The following PLXNA4 variants were observed in gnomAD, a reference collection of about 807,000 sequenced individuals.
PLXNA4 encodes plexin-A4.
A neutral mutation model predicts 191.8 loss-of-function variants in PLXNA4; 44 were observed. The ratio of observed to expected loss-of-function variants is 0.23; its 90% confidence interval spans 0.18 to 0.29. The LOEUF (loss-of-function observed/expected upper bound fraction) is 0.29. PLXNA4 is among the 10% of genes least tolerant of loss of function. The pLI is 1.00. For missense variants in PLXNA4, 1,800 were observed against 2,488.8 expected, an observed-to-expected ratio of 0.72 and a Z score of 5.89; for synonymous variants, 1,082 against 1,009.5, an observed-to-expected ratio of 1.07 and a Z score of -1.36.
intron 3 of PLXNA4, among the ~76,000 whole-genome samples, chr7:132,475,329 A>G (rs1001694713): frequency 6.6e-5 from 10 of 152,178 alleles, no homozygotes; most frequent in Admixed American, 3.9e-4. Context: ...AGCTCCAAGC[A>G]TCTTAGAGCT....
chr7:132,606,297 G>A (rs1202236472), intron 2 of PLXNA4, among the ~76,000 whole-genome samples: 1 of 152,218 alleles, frequency 6.6e-6, no homozygotes, highest in Non-Finnish European at 1.5e-5. Context: ...CCAGCCTTCA[G>A]AGCTGTGAGA....
At chr7:132,177,458 G>A (rs1270837797) in intron 20 of PLXNA4, among the ~76,000 whole-genome samples, 1 of 152,206 alleles carries the variant, frequency 6.6e-6, no homozygotes, top group Non-Finnish European at 1.5e-5. Flanking sequence ...AAGTGCCTCT[G>A]TGGCTAGTCT....
At chr7:132,604,512 A>G (rs1802886233) in intron 2 of PLXNA4, among the ~76,000 whole-genome samples, 2 of 152,206 alleles carry the variant, frequency 1.3e-5, no homozygotes, top group African/African-American at 4.8e-5. Flanking sequence ...GTTTCGTTAC[A>G]TGAAATAGAA....
At chr7:132,489,706 T>C (rs933969930) in intron 2 of PLXNA4, among the ~76,000 whole-genome samples, 1 of 152,066 alleles carries the variant, frequency 6.6e-6, no homozygotes, top group Non-Finnish European at 1.5e-5. Context: ...AGGTCTCCTT[T>C]CTCCATAATC....
At chr7:132,464,899 G>T (rs1796642189) in intron 3 of PLXNA4, among the ~76,000 whole-genome samples, 1 of 152,230 alleles carries the variant, frequency 6.6e-6, no homozygotes, top group South Asian at 2.1e-4. Flanking sequence ...CTGGCCAGAA[G>T]CCCATTTTCC....
chr7:132,494,914 G>A (rs1479147231), intron 2 of PLXNA4, among the ~76,000 whole-genome samples: 1 of 152,180 alleles, frequency 6.6e-6, no homozygotes, highest in Non-Finnish European at 1.5e-5. Context: ...GAAGTGCCTG[G>A]TAGTCTCTGT....
At chr7:132,512,094 AG>A (rs1226011718) in intron 1 of PLXNA4, among the ~76,000 whole-genome samples, 1 of 152,230 alleles carries the variant, frequency 6.6e-6, no homozygotes, top group Non-Finnish European at 1.5e-5. Context: ...GCCGGCTAAC[AG>A]GGCCCTCAAA....
At chr7:132,405,485 C>G (rs1008460828) in intron 3 of PLXNA4, among the ~76,000 whole-genome samples, 5 of 152,168 alleles carry the variant, frequency 3.3e-5, no homozygotes, top group African/African-American at 9.7e-5. Flanking sequence ...GTCAGAGGAG[C>G]AGGGGCCACA....
In PLXNA4 at chr7:132,164,158, A is replaced by G. The variant is rs1314184431; in HGVS notation, c.4484T>C (p.Ile1495Thr). ...TGGGCTCACCAGGGTTTTGTAGTCA[A>G]TCTGCTGGCGGATGAGCTTGTCCTC... ...LSEDKLIRQQ[I>T]DYKTLVLSCV... Residue 1495 changes from isoleucine to threonine, a missense_variant, in exon 24 of 32, where the codon ATT becomes ACT. Coordinates refer to ENST00000321063, the MANE Select transcript of PLXNA4 (RefSeq NM_020911.2). 6 of 1,613,960 alleles carry G rather than the reference A, an allele frequency of 3.7e-6. No homozygotes were observed. Among genetic ancestry groups the G allele is most frequent in the Non-Finnish European group, 4.2e-6 (5 of 1,180,048 alleles).
intron 4 of PLXNA4, among the ~76,000 whole-genome samples, chr7:132,249,034 C>T (rs1799155775): frequency 1.3e-5 from 2 of 152,334 alleles, no homozygotes; most frequent in South Asian, 2.1e-4. Flanking sequence ...TCCCTACCTG[C>T]CTCTAGGCAG....
Position 132,178,713 on chromosome 7 carries a change from T to TACACACACACACACACACAC in PLXNA4, c.3874+973_3874+974insGTGTGTGTGTGTGTGTGTGT, listed in dbSNP as rs56218462. ...TAAATGAAACACATACACATACACA[T>TACACACACACACACACACAC]ACACACACACACACACACTTGTAAA... is the stretch of plus-strand genomic sequence containing the variant. On this transcript the variant is annotated intron_variant, in intron 20 of 31. Transcript: ENST00000321063. 2.0e-4 allele frequency among the ~76,000 whole-genome samples: 22 copies of TACACACACACACACACACAC among 112,102 alleles called. 3 individuals are homozygous for TACACACACACACACACACAC. The highest frequency in any genetic ancestry group is 9.2e-4 in the South Asian group (3 of 3,258). 73.5% of individuals were successfully genotyped at this position (112,102 alleles called of 152,430 possible).
chr7:132,262,395 A>T (rs1349832371), intron 4 of PLXNA4, among the ~76,000 whole-genome samples: 1 of 152,164 alleles, frequency 6.6e-6, no homozygotes, highest in Non-Finnish European at 1.5e-5. Flanking sequence ...GCTCTGAAAC[A>T]CATTGTGCTG....
intron 2 of PLXNA4, among the ~76,000 whole-genome samples, chr7:132,593,994 A>G (rs947898506): frequency 6.6e-6 from 1 of 152,250 alleles, no homozygotes; most frequent in African/African-American, 2.4e-5. Context: ...ACCCAGACCC[A>G]GGCATGGGGC....
At chr7:132,606,589 A>C (rs1207444073) in intron 2 of PLXNA4, among the ~76,000 whole-genome samples, 1 of 152,244 alleles carries the variant, frequency 6.6e-6, no homozygotes, top group African/African-American at 2.4e-5. Flanking sequence ...GTTATGCTCA[A>C]ATCATTCCCT....
chr7:132,603,625 A>G (rs1234784023), intron 2 of PLXNA4, among the ~76,000 whole-genome samples: 1 of 152,170 alleles, frequency 6.6e-6, no homozygotes, highest in Non-Finnish European at 1.5e-5. Flanking sequence ...CTGAAAGTAC[A>G]GATTCTGCTA....
In PLXNA4 at chr7:132,228,310, A is replaced by T. The variant is rs577547996; in HGVS notation, c.1728+36T>A. 3.1e-6 allele frequency: 5 copies of T among 1,611,534 alleles called. No individual in the cohort carries two copies. The South Asian group carries it at 5.5e-5, about 18-fold the overall frequency. On this transcript the variant is annotated intron_variant, in intron 6 of 31. Coordinates refer to ENST00000321063, the MANE Select transcript of PLXNA4 (RefSeq NM_020911.2). Reference sequence around the variant, plus strand: ...TTAGTGAGGGGAGAGTTTTCCTTGCATCCCTGGACCCCACCCCAACCCCCA... The same window carrying T: ...TTAGTGAGGGGAGAGTTTTCCTTGCTTCCCTGGACCCCACCCCAACCCCCA...
intron 13 of PLXNA4, among the ~76,000 whole-genome samples, chr7:132,196,170 T>C (rs1330676278): frequency 1.3e-5 from 2 of 152,216 alleles, no homozygotes; most frequent in Non-Finnish European, 2.9e-5. Flanking sequence ...ACAAATAAAA[T>C]GTTGAGCAAC....
chr7:132,257,708 G>T (rs906827361), intron 4 of PLXNA4, among the ~76,000 whole-genome samples: 4 of 152,228 alleles, frequency 2.6e-5, no homozygotes, highest in African/African-American at 4.8e-5. Flanking sequence ...CAGGCTGCTA[G>T]AACTGAGTGG....
chr7:132,243,457 C>A (rs761782964), intron 4 of PLXNA4, among the ~76,000 whole-genome samples: 1 of 152,180 alleles, frequency 6.6e-6, no homozygotes, highest in Non-Finnish European at 1.5e-5. Context: ...CAAGAGCCAG[C>A]TGCTTGGTGA....
Sources: allele counts gnomAD v4.1 joint callset (sites outside exome capture counted in the v4.1 genomes callset), GRCh38; gene constraint gnomAD v4.1.1; transcripts MANE v1.5; gene names NCBI Gene and HGNC (gene_info 2026-07-23, HGNC 2026-07-21).